Variants in MAFF observed in about 807,000 individuals in gnomAD.
The protein encoded by MAFF is MAF bZIP transcription factor F.
In MAFF, 4 loss-of-function variants were observed where a neutral mutation model predicts 2.7. The ratio of observed to expected loss-of-function variants is 1.48; its 90% CI spans 0.73 to 3.39. The LOEUF is 3.39. Ranked by LOEUF, MAFF falls within the 30% of genes most tolerant of loss-of-function variation. MAFF has a pLI of 0.01. For synonymous variants in MAFF, 113 were observed against 119.4 expected (o/e 0.95, Z 0.35); for missense variants, 190 against 246.6 (o/e 0.77, Z 1.54).
At chr22:38,212,257 T>G (rs2146021019) in intron 1 of MAFF, among the ~76,000 whole-genome samples, 1 of 152,354 alleles carries the variant, frequency 6.6e-6, no homozygotes. Context: ...CGTCTCAGCC[T>G]CCTAAAGTGC....
chr22:38,210,477 G>A (rs1315356879), intron 1 of MAFF, among the ~76,000 whole-genome samples: 1 of 152,136 alleles, frequency 6.6e-6, no homozygotes, highest in Non-Finnish European at 1.5e-5. Context: ...GGGAGGCCGC[G>A]GTGAATCAGG....
Position 38,214,824 on chromosome 22 carries a change from G to C in MAFF, c.441G>C (p.Gly147=). The part of the protein sequence containing the change: ...ITIVKSTPGS[G]SGPAHGPDPA... Reference sequence around the variant, plus strand: ...TCGTCAAGTCCACCCCGGGCTCGGGGTCTGGCCCCGCCCACGGCCCGGACC... The same window carrying C: ...TCGTCAAGTCCACCCCGGGCTCGGGCTCTGGCCCCGCCCACGGCCCGGACC... Residue 147 remains glycine, a synonymous_variant, in exon 3 of 3, where the codon GGG becomes GGC. Transcript: ENST00000338483. The surrounding 1 kb of genome is among the most constrained non-coding windows in gnomAD (Gnocchi z 6.3). The C allele has an allele frequency of 6.7e-7, 1 of 1,495,758 alleles. No individual in the cohort carries two copies. Among genetic ancestry groups the C allele is most frequent in the Non-Finnish European group, 8.9e-7 (1 of 1,127,268 alleles). 92.7% of individuals were successfully genotyped at this position (1,495,758 alleles called of 1,614,324 possible). A position where few individuals can be genotyped will look rare whatever the true frequency, so the allele number is the denominator to read the frequency against.
At chr22:38,207,976 A>G (rs1330913937) in intron 1 of MAFF, among the ~76,000 whole-genome samples, 1 of 152,086 alleles carries the variant, frequency 6.6e-6, no homozygotes, top group East Asian at 1.9e-4. Flanking sequence ...ATTCACACCT[A>G]TTGTGTGACT....
chr22:38,202,558 G>A lies in MAFF; in HGVS notation c.-32+346G>A, dbSNP rs543874617. On this transcript the variant is annotated intron_variant, in intron 1 of 2. Coordinates refer to ENST00000338483, the MANE Select transcript of MAFF (RefSeq NM_012323.4). This position sits in a 1 kb window ranked among gnomAD's most constrained non-coding sequence, Gnocchi z 7.4. ...CTCCTACGTGACTCGGTGGGAACAG[G>A]CCCTGGCCCGGCGCCCGCGGGCGGT... is the stretch of plus-strand genomic sequence containing the variant. 4 of 152,240 alleles carry A rather than the reference G, an allele frequency of 2.6e-5. No individual in the cohort carries two copies. In the East Asian group the frequency reaches 7.8e-4, roughly 30 times the overall value. 9.4% of individuals were successfully genotyped at this position (152,240 alleles called of 1,614,324 possible). A position where few individuals can be genotyped will look rare whatever the true frequency, so the allele number is the denominator to read the frequency against.
At chr22:38,213,315 T>A (rs1378616119) in intron 1 of MAFF, among the ~76,000 whole-genome samples, 3 of 152,084 alleles carry the variant, frequency 2.0e-5, no homozygotes, top group Non-Finnish European at 4.4e-5. Flanking sequence ...GGTGCACACT[T>A]ACTGAGCCAT....
intron 1 of MAFF, chr22:38,213,473 A>G (rs1424885584): frequency 2.8e-6 from 1 of 355,952 alleles, no homozygotes; most frequent in Non-Finnish European, 5.6e-6. Flanking sequence ...GAAATGCAGA[A>G]GAGGTGACTG....
rs1013930666 is a variant in MAFF, at chr22:38,201,999, C to T, written c.-245C>T. 6.6e-6 allele frequency: 1 copy of T among 152,242 alleles called. No individual in the cohort carries two copies. The highest frequency in any genetic ancestry group is 1.5e-5 in the Non-Finnish European group (1 of 68,070). The allele number at this position is 152,242 out of a possible 1,614,324, so 9.4% of individuals were successfully genotyped here. On this transcript the variant is annotated 5_prime_UTR_variant, in exon 1 of 3. Transcript: ENST00000338483. ...AAGGAATCCTGTGAGTGAGTAATTC[C>T]GGGAAGCTCGCCTTACAACTCCGCG...
At position 38,213,810 on chromosome 22, in the gene MAFF, C is replaced by T. The variant is rs777840395; in HGVS notation, c.-31-13C>T. 1.2e-6 allele frequency: 2 copies of T among 1,601,990 alleles called. No individual in the cohort carries two copies. Among genetic ancestry groups the T allele is most frequent in the Admixed American group, 3.3e-5 (2 of 60,008 alleles). On this transcript the variant is annotated splice_polypyrimidine_tract_variant and intron_variant, in intron 1 of 2. Coordinates refer to ENST00000338483, the MANE Select transcript of MAFF (RefSeq NM_012323.4). Reference sequence around the variant, plus strand: ...AAAACAAAACAGTGACTTTGACCTCCTTTCTACCCTAGGTCTGCAGCCCAG... The same window carrying T: ...AAAACAAAACAGTGACTTTGACCTCTTTTCTACCCTAGGTCTGCAGCCCAG...
Position 38,214,487 on chromosome 22 carries a change from G to C in MAFF, c.104G>C (p.Arg35Pro). 1 of 1,610,140 alleles carries C rather than the reference G, an allele frequency of 6.2e-7. No homozygotes were observed. ...SDEALMGLSV[R>P]ELNRHLRGLS... ...GAGGCGCTGATGGGGCTGTCGGTGC[G>C]CGAGCTGAACCGGCATCTGCGCGGG... Residue 35 changes from arginine (R) to proline (P), a missense_variant, in exon 3 of 3, where the codon CGC becomes CCC. Physicochemically the swap from Arg to Pro is moderately radical, Grantham distance 103 (BLOSUM62 -2). This residue lies in a region of MAFF where 87 missense variants were observed against 143.6 expected (regional missense o/e 0.61). Transcript: ENST00000338483. The surrounding 1 kb of genome is among the most constrained non-coding windows in gnomAD (Gnocchi z 6.3).
intron 1 of MAFF, among the ~76,000 whole-genome samples, chr22:38,206,837 T>G: frequency 6.6e-6 from 1 of 152,178 alleles, no homozygotes; most frequent in Non-Finnish European, 1.5e-5. Context: ...CTTCTCCCAT[T>G]GGGTCTTTCT....
intron 1 of MAFF, among the ~76,000 whole-genome samples, chr22:38,204,455 C>T (rs1372800592): frequency 6.6e-6 from 1 of 152,162 alleles, no homozygotes; most frequent in Admixed American, 6.5e-5. Flanking sequence ...TCAGGGTCTC[C>T]AGGGCCCAGC....
chr22:38,208,348 G>A (rs891484014), intron 1 of MAFF, among the ~76,000 whole-genome samples: 11 of 152,196 alleles, frequency 7.2e-5, no homozygotes, highest in African/African-American at 2.4e-4. Context: ...TTAAACCCAA[G>A]CTTGACTCCC....
At chr22:38,204,865 C>T (rs1464906831) in intron 1 of MAFF, among the ~76,000 whole-genome samples, 6 of 152,052 alleles carry the variant, frequency 3.9e-5, no homozygotes, top group Non-Finnish European at 7.4e-5. Context: ...TGAAATGGGC[C>T]AAGCACGGAC....
chr22:38,207,423 CTTTTTTTTTTTTTTTTTTT>C (rs71195092), intron 1 of MAFF, among the ~76,000 whole-genome samples: 8 of 78,350 alleles, frequency 1.0e-4, no homozygotes, highest in East Asian at 7.9e-4. Context: ...GCTTGGCCAT[CTTTTTTTTTTTTTTTTTTT>C]TTTTTTTTTT....
intron 1 of MAFF, among the ~76,000 whole-genome samples, chr22:38,206,540 C>A (rs1422478135): frequency 7.3e-5 from 11 of 151,490 alleles, no homozygotes. Context: ...TTAGTAGAGA[C>A]AGGATTTCAC....
rs2091136963 is a variant in MAFF, at chr22:38,215,061, T to TG, written c.*186dup. The TG allele has an allele frequency of 1.8e-6, 1 of 564,390 alleles. No individual in the cohort carries two copies. The highest frequency in any genetic ancestry group is 2.0e-5 in the African/African-American group (1 of 50,132). The allele number at this position is 564,390 out of a possible 1,614,324, so 35.0% of individuals were successfully genotyped here. A position where few individuals can be genotyped will look rare whatever the true frequency, so the allele number is the denominator to read the frequency against. ...CCCCCAAACTGGGACCGAATGACCC[T>TG]GGGAAGGGGAACTTGGGTAGGTTGG... is the stretch of plus-strand genomic sequence containing the variant. On this transcript the variant is annotated 3_prime_UTR_variant, in exon 3 of 3. Coordinates refer to ENST00000338483, the MANE Select transcript of MAFF (RefSeq NM_012323.4).
chr22:38,211,879 T>C (rs1245481971), intron 1 of MAFF, among the ~76,000 whole-genome samples: 1 of 152,236 alleles, frequency 6.6e-6, no homozygotes, highest in Non-Finnish European at 1.5e-5. Context: ...AGGACTTGGA[T>C]CTGGCTTTTG....
intron 1 of MAFF, chr22:38,203,841 TG>T (rs1236413827): frequency 6.6e-6 from 1 of 152,230 alleles, no homozygotes; most frequent in Non-Finnish European, 1.5e-5. Flanking sequence ...GGGGAAGCTC[TG>T]GAAGTCTGTG....
At chr22:38,207,898 G>T (rs890310196) in intron 1 of MAFF, among the ~76,000 whole-genome samples, 3 of 152,176 alleles carry the variant, frequency 2.0e-5, no homozygotes, top group African/African-American at 7.2e-5. Flanking sequence ...TTACCTCAGG[G>T]TTGGGCGAAC....
Sources: gnomAD v4.1 joint callset for allele counts (sites outside exome capture counted in the v4.1 genomes callset) on GRCh38, gnomAD v4.1.1 for gene constraint, gnomAD v4.1.1 regional missense constraint, Gnocchi (gnomAD v3.1) non-coding constraint, MANE v1.5 for transcripts, NCBI Gene and HGNC (gene_info 2026-07-23, HGNC 2026-07-21) for gene names.